The following TENM2 variants were observed in gnomAD, a reference collection of about 807,000 sequenced individuals.
TENM2 encodes teneurin-2.
TENM2 carries 52 observed loss-of-function variants against 245.2 expected under a neutral mutation model. That is an observed-to-expected ratio of 0.21 (90% confidence interval 0.17 to 0.27). The LOEUF (loss-of-function observed/expected upper bound fraction) is 0.27. TENM2 is among the 10% of genes least tolerant of loss of function. TENM2 has a pLI of 1.00. For synonymous variants in TENM2, 1,363 were observed against 1,438.9 expected (o/e 0.95, Z 1.19); for missense variants, 3,046 against 3,666.8 (o/e 0.83, Z 4.37).
In TENM2 at chr5:168,019,049, A is replaced by G. The variant is rs138248014; in HGVS notation, c.1186+25867A>G. On this transcript the variant is annotated intron_variant, in intron 5 of 28. Transcript: ENST00000518659. ...ATTTGATATGTAGCTAGAAGGGTGCATAGGATTTTGGCAGAAGGGAAAGAG... is the reference window on the plus strand; with the variant it reads ...ATTTGATATGTAGCTAGAAGGGTGCGTAGGATTTTGGCAGAAGGGAAAGAG... Among the ~76,000 whole-genome samples the G allele has an allele frequency of 3.1e-4, 47 of 152,308 alleles. No individual in the cohort carries two copies. In the East Asian group the frequency reaches 8.3e-3, roughly 27 times the overall value.
At chr5:167,233,543 T>C in the TENM2 span, among the ~76,000 whole-genome samples, 1 of 152,196 alleles carries the variant, frequency 6.6e-6, no homozygotes, top group Non-Finnish European at 1.5e-5. Context: ...AGAGAGTTTA[T>C]TGTATTTCAG....
At chr5:167,651,484 T>C (rs535993719) in intron 2 of TENM2, among the ~76,000 whole-genome samples, 34 of 152,082 alleles carry the variant, frequency 2.2e-4, no homozygotes, top group Middle Eastern at 3.4e-3. Context: ...CTTTTGTCAA[T>C]GTGCATTATT....
At chr5:167,777,344 A>G (rs1430054360) in intron 2 of TENM2, among the ~76,000 whole-genome samples, 2 of 152,264 alleles carry the variant, frequency 1.3e-5, no homozygotes, top group Non-Finnish European at 2.9e-5. Flanking sequence ...TATATTATTT[A>G]AATTCATACA....
intron 1 of TENM2, among the ~76,000 whole-genome samples, chr5:167,316,720 G>T (rs188349347): frequency 1.5e-3 from 226 of 152,314 alleles, no homozygotes; most frequent in Non-Finnish European, 2.5e-3. Flanking sequence ...CGTAGAGTCA[G>T]ATAATGTCGA....
chr5:167,902,787 C>T (rs1775809634), intron 3 of TENM2, among the ~76,000 whole-genome samples: 1 of 152,124 alleles, frequency 6.6e-6, no homozygotes, highest in South Asian at 2.1e-4. Flanking sequence ...TGACAGTTTG[C>T]TTTTGTACTC....
intron 2 of TENM2, among the ~76,000 whole-genome samples, chr5:167,801,468 A>G (rs1447852043): frequency 6.6e-6 from 1 of 152,154 alleles, no homozygotes; most frequent in Non-Finnish European, 1.5e-5. Context: ...ACAATGGACA[A>G]GATGAGTGGT....
the TENM2 span, among the ~76,000 whole-genome samples, chr5:167,084,327 T>TTTTATATATATA: frequency 1.1e-3 from 25 of 23,180 alleles, 2 homozygotes; most frequent in South Asian, 2.5e-3. Context: ...GCCATTTTAG[T>TTTTATATATATA]TATATATATA....
At chr5:168,027,614 A>T (rs1187839087) in intron 5 of TENM2, among the ~76,000 whole-genome samples, 3 of 152,128 alleles carry the variant, frequency 2.0e-5, no homozygotes, top group Non-Finnish European at 2.9e-5. Flanking sequence ...CTTGGTACTG[A>T]AAACATCACT....
the TENM2 span, among the ~76,000 whole-genome samples, chr5:167,243,920 G>T: frequency 1.3e-5 from 2 of 152,052 alleles, no homozygotes; most frequent in African/African-American, 4.8e-5. Flanking sequence ...CTGTTATTTT[G>T]TCATACTTCA....
chr5:168,144,047 C>T (rs1257677378), intron 12 of TENM2, among the ~76,000 whole-genome samples: 1 of 150,348 alleles, frequency 6.7e-6, no homozygotes, highest in African/African-American at 2.5e-5. Context: ...TTAGTAGGGA[C>T]AGAGTTTCGC....
the TENM2 span, among the ~76,000 whole-genome samples, chr5:167,157,821 T>C: frequency 7.4e-3 from 1,132 of 152,332 alleles, 15 homozygotes; most frequent in African/African-American, 0.025. Flanking sequence ...AATTTATCCT[T>C]TTGTCTTACA....
the TENM2 span, among the ~76,000 whole-genome samples, chr5:167,196,706 T>C: frequency 0.085 from 12,843 of 151,622 alleles, 1,829 homozygotes; most frequent in African/African-American, 0.29. Context: ...AATAACAATA[T>C]GAAAATAAAA....
intron 3 of TENM2, among the ~76,000 whole-genome samples, chr5:167,909,427 A>C (rs946089332): frequency 1.3e-5 from 2 of 152,136 alleles, no homozygotes; most frequent in African/African-American, 4.8e-5. Context: ...CTAAATCTAA[A>C]ATAATAATAA....
At chr5:167,994,677 C>T (rs979176527) in intron 5 of TENM2, among the ~76,000 whole-genome samples, 6 of 152,194 alleles carry the variant, frequency 3.9e-5, no homozygotes, top group African/African-American at 1.4e-4. Context: ...ACTGACTCTC[C>T]AGGGAAAGGT....
chr5:167,144,847 T>A, the TENM2 span, among the ~76,000 whole-genome samples: 1 of 152,220 alleles, frequency 6.6e-6, no homozygotes, highest in African/African-American at 2.4e-5. Flanking sequence ...AAGACACAAA[T>A]GTATTCCTCT....
chr5:167,456,947 A>G (rs1268162093), intron 2 of TENM2, among the ~76,000 whole-genome samples: 1 of 152,236 alleles, frequency 6.6e-6, no homozygotes, highest in Non-Finnish European at 1.5e-5. Context: ...TGATGTTACC[A>G]CAGCTAAATA....
chr5:168,121,180 A>T (rs1581371880), intron 10 of TENM2, among the ~76,000 whole-genome samples: 1 of 152,288 alleles, frequency 6.6e-6, no homozygotes, highest in East Asian at 1.9e-4. Context: ...TGTCAAACCT[A>T]CAGAGGGCCC....
chr5:167,549,030 G>A lies in TENM2; in HGVS notation c.502+173557G>A, dbSNP rs1408626458. On this transcript the variant is annotated intron_variant, in intron 2 of 28. Transcript: ENST00000518659. ...AATTCTCCTTCTCCTTTCTCTCTCC[G>A]TCCTTCCTCTCCTGCCTCTCTTCCT... Among the ~76,000 whole-genome samples the A allele has an allele frequency of 5.3e-5, 8 of 152,100 alleles. No individual in the cohort carries two copies. In the East Asian group the frequency reaches 1.2e-3, roughly 22 times the overall value.
chr5:167,254,031 T>C, the TENM2 span, among the ~76,000 whole-genome samples: 2 of 150,270 alleles, frequency 1.3e-5, no homozygotes, highest in African/African-American at 2.4e-5. Context: ...TGGGTTTTGC[T>C]CTCACCGAGA....
Sources: allele counts gnomAD v4.1 joint callset (sites outside exome capture counted in the v4.1 genomes callset), GRCh38; gene constraint gnomAD v4.1.1; transcripts MANE v1.5; gene names NCBI Gene and HGNC (gene_info 2026-07-23, HGNC 2026-07-21).